EPHA6: variants seen among roughly 807,000 people sequenced by gnomAD.
EPHA6 encodes the protein EPH receptor A6.
A neutral mutation model predicts 112.0 loss-of-function variants in EPHA6; 50 were observed. The observed-to-expected ratio is 0.45, with a 90% CI of 0.36 to 0.56. The LOEUF (loss-of-function observed/expected upper bound fraction) is 0.56. Ranked by LOEUF, EPHA6 falls within the 20% of genes least tolerant of loss-of-function variation. EPHA6 has a pLI of 0.00. For synonymous variants in EPHA6, 529 were observed against 490.7 expected, an observed-to-expected ratio of 1.08 and a Z score of -1.03; for missense variants, 1,280 against 1,417.4, an observed-to-expected ratio of 0.90 and a Z score of 1.56.
At chr3:97,364,229 A>T (rs2084577438) in intron 5 of EPHA6, among the ~76,000 whole-genome samples, 1 of 152,086 alleles carries the variant, frequency 6.6e-6, no homozygotes, top group Admixed American at 6.6e-5. Flanking sequence ...AAAAATTACG[A>T]GGACACAGAG....
At chr3:97,161,081 T>A (rs964690873) in intron 3 of EPHA6, among the ~76,000 whole-genome samples, 2 of 152,154 alleles carry the variant, frequency 1.3e-5, no homozygotes, top group African/African-American at 4.8e-5. Context: ...GATAACGTAT[T>A]TACTACTTCC....
Position 96,958,277 on chromosome 3 carries a change from C to T in EPHA6, c.451-29053C>T, listed in dbSNP as rs184992715. ...TGCACTCCAGCCTGGATGACAAAAG[C>T]GAAACTCTGTCCCTAAAGAAAAAAA... On this transcript the variant is annotated intron_variant, in intron 2 of 17. Coordinates refer to ENST00000389672, the MANE Select transcript of EPHA6 (RefSeq NM_001080448.3). Among the ~76,000 whole-genome samples the T allele has an allele frequency of 5.4e-3, 811 of 149,320 alleles. 4 individuals are homozygous for T. Among genetic ancestry groups the T allele is most frequent in the Non-Finnish European group, 8.0e-3 (543 of 67,556 alleles).
intron 11 of EPHA6, among the ~76,000 whole-genome samples, chr3:97,568,523 A>G (rs372496641): frequency 2.6e-5 from 4 of 152,190 alleles, no homozygotes; most frequent in Non-Finnish European, 4.4e-5. Flanking sequence ...CTTCAGTTCT[A>G]TTAAACCATC....
intron 5 of EPHA6, among the ~76,000 whole-genome samples, chr3:97,288,795 T>C (rs1160587384): frequency 6.6e-6 from 1 of 152,166 alleles, no homozygotes; most frequent in African/African-American, 2.4e-5. Flanking sequence ...AGTATCTCAT[T>C]GTGGTTTTTA....
intron 1 of EPHA6, among the ~76,000 whole-genome samples, chr3:96,859,957 A>G (rs973094586): frequency 3.3e-5 from 5 of 152,158 alleles, no homozygotes; most frequent in Non-Finnish European, 7.4e-5. Flanking sequence ...TATATATGCT[A>G]TAAACTATGG....
intron 5 of EPHA6, among the ~76,000 whole-genome samples, chr3:97,371,267 C>T (rs1376371936): frequency 1.3e-5 from 2 of 152,124 alleles, no homozygotes; most frequent in Admixed American, 1.3e-4. Context: ...AGTCAACGCT[C>T]ATTCATTGTT....
At chr3:97,469,841 G>A (rs1205031437) in intron 7 of EPHA6, among the ~76,000 whole-genome samples, 3 of 151,626 alleles carry the variant, frequency 2.0e-5, no homozygotes, top group Non-Finnish European at 4.4e-5. Context: ...CTGTGGAAAG[G>A]CAACCTAATA....
At chr3:97,104,847 A>G (rs368731649) in intron 3 of EPHA6, among the ~76,000 whole-genome samples, 9 of 152,142 alleles carry the variant, frequency 5.9e-5, no homozygotes, top group African/African-American at 2.2e-4. Context: ...TCAGGGAATC[A>G]GTTGCTTCCT....
chr3:97,479,237 T>C lies in EPHA6; in HGVS notation c.2004-57T>C. The C allele has an allele frequency of 7.4e-6, 8 of 1,081,618 alleles. No individual in the cohort carries two copies. The South Asian group carries it at 1.3e-4, about 17-fold the overall frequency. 67.0% of individuals were successfully genotyped at this position (1,081,618 alleles called of 1,614,324 possible). A position where few individuals can be genotyped will look rare whatever the true frequency, so the allele number is the denominator to read the frequency against. On this transcript the variant is annotated intron_variant, in intron 8 of 17. Coordinates refer to ENST00000389672, the MANE Select transcript of EPHA6 (RefSeq NM_001080448.3). Reference sequence around the variant, plus strand: ...AGATTATATGTATTTTAATTGGTTTTGCATTGTATGCATCATACTTCTTAA... The same window carrying C: ...AGATTATATGTATTTTAATTGGTTTCGCATTGTATGCATCATACTTCTTAA...
chr3:97,017,659 A>G (rs746605438), intron 3 of EPHA6, among the ~76,000 whole-genome samples: 17 of 152,116 alleles, frequency 1.1e-4, no homozygotes, highest in Non-Finnish European at 1.9e-4. Context: ...ATGCTGCTAG[A>G]TGTATTGGAG....
intron 3 of EPHA6, among the ~76,000 whole-genome samples, chr3:97,013,030 C>G (rs572480110): frequency 6.6e-6 from 1 of 152,098 alleles, no homozygotes; most frequent in African/African-American, 2.4e-5. Context: ...CAAATATACT[C>G]TCCCATTCTG....
intron 3 of EPHA6, among the ~76,000 whole-genome samples, chr3:97,098,077 C>T (rs912973047): frequency 1.3e-5 from 2 of 152,050 alleles, no homozygotes; most frequent in Non-Finnish European, 2.9e-5. Flanking sequence ...AGCACTCTTC[C>T]AGTGCCTCAT....
intron 1 of EPHA6, among the ~76,000 whole-genome samples, chr3:96,817,403 T>G (rs147588042): frequency 3.9e-5 from 6 of 152,036 alleles, no homozygotes; most frequent in Admixed American, 3.9e-4. Context: ...AAGCATCTAT[T>G]TTTAAACATG....
chr3:97,043,477 A>G (rs1314271622), intron 3 of EPHA6, among the ~76,000 whole-genome samples: 1 of 149,402 alleles, frequency 6.7e-6, no homozygotes, highest in Admixed American at 6.6e-5. Flanking sequence ...GCCAAGAATA[A>G]GGGCATTTTC....
intron 3 of EPHA6, among the ~76,000 whole-genome samples, chr3:97,200,722 A>G (rs1417924690): frequency 6.6e-6 from 1 of 152,150 alleles, no homozygotes; most frequent in African/African-American, 2.4e-5. Context: ...CAGACCATGT[A>G]GATGGCTGTG....
chr3:97,461,188 G>T (rs879345305), intron 7 of EPHA6, among the ~76,000 whole-genome samples: 1 of 152,090 alleles, frequency 6.6e-6, no homozygotes, highest in Non-Finnish European at 1.5e-5. Flanking sequence ...AAAGAAGAAA[G>T]AAATTTTTTA....
At chr3:97,632,996 T>A (rs1391035797) in intron 13 of EPHA6, among the ~76,000 whole-genome samples, 1 of 152,066 alleles carries the variant, frequency 6.6e-6, no homozygotes, top group Admixed American at 6.6e-5. Flanking sequence ...CAGCCTAAGA[T>A]GAATGGACAC....
intron 12 of EPHA6, among the ~76,000 whole-genome samples, chr3:97,593,392 T>A (rs1279247335): frequency 6.6e-6 from 1 of 152,140 alleles, no homozygotes; most frequent in East Asian, 1.9e-4. Context: ...TCCCTGACAT[T>A]TAGTAAAATA....
chr3:96,980,758 T>C (rs1480510099), intron 2 of EPHA6, among the ~76,000 whole-genome samples: 1 of 152,186 alleles, frequency 6.6e-6, no homozygotes, highest in Non-Finnish European at 1.5e-5. Context: ...TTTGAAGAGG[T>C]TCTTCACATC....
Sources: gnomAD v4.1 joint callset for allele counts (sites outside exome capture counted in the v4.1 genomes callset) on GRCh38, gnomAD v4.1.1 for gene constraint, MANE v1.5 for transcripts, NCBI Gene and HGNC (gene_info 2026-07-23, HGNC 2026-07-21) for gene names.